The following TSPAN2 variants were observed in gnomAD, a reference collection of about 807,000 sequenced individuals.
The protein encoded by TSPAN2 is tetraspanin-2.
A neutral mutation model predicts 33.3 loss-of-function variants in TSPAN2; 24 were observed. The ratio of observed to expected loss-of-function variants is 0.72; its 90% CI spans 0.52 to 1.01. TSPAN2 has a LOEUF of 1.01. Ranked by LOEUF, TSPAN2 falls within the 50% of genes least tolerant of loss-of-function variation. TSPAN2 has a pLI of 0.00. For missense variants in TSPAN2, 278 were observed against 281.3 expected, an observed-to-expected ratio of 0.99 and a Z score of 0.08; for synonymous variants, 114 against 104.5, an observed-to-expected ratio of 1.09 and a Z score of -0.56.
At chr1:115,062,098 A>ACCCCCCCCC in intron 3 of TSPAN2, 37 bp downstream of exon 3, 2 of 1,382,768 alleles carry the variant, frequency 1.4e-6, no homozygotes, top group Non-Finnish European at 1.0e-6. Flanking sequence ...CCGCTCCCTC[A>ACCCCCCCCC]CCCCCACCCC....
chr1:115,081,175 G>C (rs772549794), intron 1 of TSPAN2, among the ~76,000 whole-genome samples: 1 of 152,182 alleles, frequency 6.6e-6, no homozygotes, highest in African/African-American at 2.4e-5. Context: ...GTGCTCTATA[G>C]AGATTTTTCT....
intron 6 of TSPAN2, among the ~76,000 whole-genome samples, chr1:115,054,464 C>T (rs1445063816): frequency 4.6e-5 from 7 of 152,138 alleles, no homozygotes; most frequent in Non-Finnish European, 4.4e-5. Flanking sequence ...ACAAGAGATA[C>T]CTATAATGCA....
chr1:115,062,869 T>C (rs1157656102), intron 2 of TSPAN2, among the ~76,000 whole-genome samples: 2 of 152,136 alleles, frequency 1.3e-5, no homozygotes, highest in African/African-American at 4.8e-5. Flanking sequence ...TGATGGTGGT[T>C]TGCGGGCAGA....
intron 2 of TSPAN2, among the ~76,000 whole-genome samples, chr1:115,071,226 T>C (rs1374777551): frequency 6.6e-6 from 1 of 152,140 alleles, no homozygotes; most frequent in African/African-American, 2.4e-5. Flanking sequence ...TTGGCCATGA[T>C]TGGTTTAGGC....
In TSPAN2 at chr1:115,050,429, G is replaced by T; in HGVS notation, c.*61C>A. 1.4e-6 allele frequency: 2 copies of T among 1,422,674 alleles called. No homozygotes were observed. Among genetic ancestry groups the T allele is most frequent in the Non-Finnish European group, 2.0e-6 (2 of 1,006,926 alleles). The allele number at this position is 1,422,674 out of a possible 1,614,324, so 88.1% of individuals were successfully genotyped here. A position where few individuals can be genotyped will look rare whatever the true frequency, so the allele number is the denominator to read the frequency against. ...TTTCAGTGTTAAAAATGAGCTGGGA[G>T]ACAGCTCCTGTGACATTTGGTATGA... On this transcript the variant is annotated 3_prime_UTR_variant, in exon 8 of 8. Coordinates refer to ENST00000369516, the MANE Select transcript of TSPAN2 (RefSeq NM_005725.6).
intron 6 of TSPAN2, among the ~76,000 whole-genome samples, chr1:115,053,818 TAA>T (rs889476858): frequency 1.3e-5 from 2 of 152,232 alleles, no homozygotes; most frequent in African/African-American, 4.8e-5. Flanking sequence ...CTTAAAACAA[TAA>T]CTCTTTGTTT....
chr1:115,064,605 C>G (rs895842357), intron 2 of TSPAN2, among the ~76,000 whole-genome samples: 4 of 152,194 alleles, frequency 2.6e-5, no homozygotes, highest in African/African-American at 9.7e-5. Flanking sequence ...CTAGAACATG[C>G]CCTGCACAAG....
chr1:115,087,317 C>T (rs988937072), intron 1 of TSPAN2, among the ~76,000 whole-genome samples: 4 of 151,958 alleles, frequency 2.6e-5, no homozygotes, highest in Non-Finnish European at 5.9e-5. Flanking sequence ...TACCACAGTG[C>T]TTAAGAGAAG....
chr1:115,054,881 C>T (rs1289713398), intron 6 of TSPAN2, among the ~76,000 whole-genome samples: 3 of 151,918 alleles, frequency 2.0e-5, no homozygotes, highest in Non-Finnish European at 2.9e-5. Flanking sequence ...CAGCTACTAG[C>T]GGGGCTGAGG....
chr1:115,066,563 G>A (rs1647958484), intron 2 of TSPAN2, among the ~76,000 whole-genome samples: 1 of 152,110 alleles, frequency 6.6e-6, no homozygotes, highest in South Asian at 2.1e-4. Context: ...CCTCCTAACG[G>A]CCTACTGGGA....
chr1:115,081,822 G>T (rs1461879709), intron 1 of TSPAN2, among the ~76,000 whole-genome samples: 2 of 152,154 alleles, frequency 1.3e-5, no homozygotes, highest in Non-Finnish European at 2.9e-5. Flanking sequence ...CGCTCCCATG[G>T]TTCCAATAAT....
intron 2 of TSPAN2, among the ~76,000 whole-genome samples, chr1:115,067,276 AT>A (rs1647988247): frequency 6.6e-6 from 1 of 152,230 alleles, no homozygotes; most frequent in African/African-American, 2.4e-5. Context: ...CAGTAGAGTT[AT>A]TTTTCTTCTC....
At chr1:115,053,251 T>C in intron 7 of TSPAN2, 128 bp downstream of exon 7, 1 of 755,690 alleles carries the variant, frequency 1.3e-6, no homozygotes, top group East Asian at 2.8e-5. Context: ...TGTAATACAT[T>C]GTGAACAAAG....
chr1:115,053,472 G>A lies in TSPAN2; in HGVS notation c.517-10C>T. 6.2e-7 allele frequency: 1 copy of A among 1,612,556 alleles called. No individual in the cohort carries two copies. The highest frequency in any genetic ancestry group is 8.5e-7 in the Non-Finnish European group (1 of 1,179,182). ...TTTCATCGATGCAATTCTGTTTTGA[G>A]GAAAAAAAGTCGGGAATAAAAACTG... On this transcript the variant is annotated splice_polypyrimidine_tract_variant and intron_variant, in intron 6 of 7. Transcript: ENST00000369516.
chr1:115,069,331 C>T (rs1042699459), intron 2 of TSPAN2, among the ~76,000 whole-genome samples: 17 of 152,322 alleles, frequency 1.1e-4, no homozygotes, highest in South Asian at 1.0e-3. Context: ...TCCAGCTCCA[C>T]GGTGGGCATG....
In TSPAN2 at chr1:115,056,239, T is replaced by G. The variant is rs149263110; in HGVS notation, c.516+1298A>C. ...ATATTACTTTTAATTTTCTATATTT[T>G]CTATATGTTTAATGGTAATTTGGAC... On this transcript the variant is annotated intron_variant, in intron 6 of 7. Coordinates refer to ENST00000369516, the MANE Select transcript of TSPAN2 (RefSeq NM_005725.6). Among the ~76,000 whole-genome samples, 1,383 of 152,332 alleles carry G rather than the reference T, an allele frequency of 9.1e-3. 33 individuals carry two copies. Among genetic ancestry groups the G allele is most frequent in the African/African-American group, 0.032 (1,330 of 41,572 alleles).
intron 7 of TSPAN2, among the ~76,000 whole-genome samples, chr1:115,051,691 C>T (rs750254908): frequency 4.6e-5 from 7 of 152,106 alleles, no homozygotes; most frequent in Non-Finnish European, 7.3e-5. Context: ...TCTGTAAGTG[C>T]TAAATTCAAT....
intron 1 of TSPAN2, among the ~76,000 whole-genome samples, chr1:115,086,049 T>C (rs1467022835): frequency 6.6e-6 from 1 of 152,206 alleles, no homozygotes; most frequent in African/African-American, 2.4e-5. Context: ...GCAAGTCACT[T>C]GGCAAACTTA....
chr1:115,052,595 T>C (rs1647218733), intron 7 of TSPAN2, among the ~76,000 whole-genome samples: 1 of 152,092 alleles, frequency 6.6e-6, no homozygotes, highest in African/African-American at 2.4e-5. Context: ...CTCTCTCCAT[T>C]ACCACCTCTC....
Sources: gnomAD v4.1 joint callset for allele counts (sites outside exome capture counted in the v4.1 genomes callset) on GRCh38, gnomAD v4.1.1 for gene constraint, MANE v1.5 for transcripts, NCBI Gene and HGNC (gene_info 2026-07-23, HGNC 2026-07-21) for gene names.